TP63: variants seen among roughly 807,000 people sequenced by gnomAD.
The protein encoded by TP63 is tumor protein 63.
A neutral mutation model predicts 82.8 loss-of-function variants in TP63; 17 were observed. That is an observed-to-expected ratio of 0.21 (90% confidence interval 0.14 to 0.31). The LOEUF (loss-of-function observed/expected upper bound fraction) is 0.31, where lower values mean the gene tolerates loss of function less well. TP63 is among the 10% of genes least tolerant of loss of function. The pLI is 1.00. For missense variants in TP63, 648 were observed against 895.3 expected, an observed-to-expected ratio of 0.72 and a Z score of 3.52; for synonymous variants, 330 against 321.7, an observed-to-expected ratio of 1.03 and a Z score of -0.28.
rs1553859725 is a variant in TP63 at position 189,875,615 on chromosome 3, T to TATATAC, written c.1349+2625_1349+2626insCATATA. On this transcript the variant is annotated intron_variant, in intron 10 of 13. Coordinates refer to ENST00000264731, the MANE Select transcript of TP63 (RefSeq NM_003722.5). The stretch of plus-strand genomic sequence containing the variant: ...ATACATATATATATATATATATATA[T>TATATAC]ATATATATATATATATATATATAAA... Among the ~76,000 whole-genome samples, 90 of 110,382 alleles carry TATATAC rather than the reference T, an allele frequency of 8.2e-4. 2 individuals carry two copies. Among genetic ancestry groups the TATATAC allele is most frequent in the African/African-American group, 3.5e-3 (90 of 25,652 alleles). The allele number at this position is 110,382 out of a possible 152,430, so 72.4% of individuals were successfully genotyped here.
At chr3:189,720,416 C>A (rs2108768020) in intron 1 of TP63, among the ~76,000 whole-genome samples, 2 of 152,186 alleles carry the variant, frequency 1.3e-5, no homozygotes, top group Middle Eastern at 3.4e-3. Context: ...TTAGACAAGG[C>A]CTTAAAGACC....
chr3:189,764,472 TA>T lies in TP63; in HGVS notation c.324+25699del, dbSNP rs547673944. Among the ~76,000 whole-genome samples the T allele has an allele frequency of 3.9e-5, 6 of 152,258 alleles. No homozygotes were observed. The South Asian group carries it at 1.0e-3, about 26-fold the overall frequency. ...CGCACACACACATAGGTCATACTCT[TA>T]GTGTGTGCAGTATAAGCTTTTTACT... is the stretch of plus-strand genomic sequence containing the variant. On this transcript the variant is annotated intron_variant, in intron 3 of 13. Coordinates refer to ENST00000264731, the MANE Select transcript of TP63 (RefSeq NM_003722.5).
chr3:189,661,474 T>G (rs1013373054), intron 1 of TP63, among the ~76,000 whole-genome samples: 5 of 151,942 alleles, frequency 3.3e-5, no homozygotes, highest in Non-Finnish European at 5.9e-5. Context: ...ATTCAATATG[T>G]TGGTATTTTG....
the TP63 span, among the ~76,000 whole-genome samples, chr3:189,611,625 T>C: frequency 6.6e-6 from 1 of 152,164 alleles, no homozygotes; most frequent in African/African-American, 2.4e-5. Context: ...TTTGGGCTCT[T>C]GTTTGAATTT....
the TP63 span, among the ~76,000 whole-genome samples, chr3:189,615,143 A>C: frequency 6.6e-6 from 1 of 152,218 alleles, no homozygotes; most frequent in Non-Finnish European, 1.5e-5. Context: ...AATAAAACCT[A>C]AACTCCCTTT....
intron 10 of TP63, chr3:189,880,767 A>C: frequency 1.0e-6 from 1 of 985,400 alleles, no homozygotes; most frequent in South Asian, 4.7e-5. Context: ...AAAAGTAATC[A>C]ACTTTGTGGG....
the TP63 span, among the ~76,000 whole-genome samples, chr3:189,604,989 T>G: frequency 6.6e-6 from 1 of 152,204 alleles, no homozygotes; most frequent in African/African-American, 2.4e-5. Context: ...TCCTGAATTG[T>G]GCCAATGACA....
chr3:189,663,468 C>G (rs934722425), intron 1 of TP63, among the ~76,000 whole-genome samples: 1 of 148,598 alleles, frequency 6.7e-6, no homozygotes, highest in Admixed American at 6.8e-5. Context: ...CAATTTCAGG[C>G]AAGATGAACT....
rs1012027820 is a variant in TP63 at position 189,894,951 on chromosome 3, A to G, written c.*449A>G. 1 of 221,658 alleles carries G rather than the reference A, an allele frequency of 4.5e-6. No individual in the cohort carries two copies. Among genetic ancestry groups the G allele is most frequent in the Non-Finnish European group, 9.1e-6 (1 of 109,860 alleles). The allele number at this position is 221,658 out of a possible 1,614,324, so 13.7% of individuals were successfully genotyped here. ...GCACTTATTGACCATTTTTTAATTT[A>G]CTTGTTTTGGATGGCTTGTCTATAC... On this transcript the variant is annotated 3_prime_UTR_variant, in exon 14 of 14. Transcript: ENST00000264731.
intron 4 of TP63, among the ~76,000 whole-genome samples, chr3:189,831,643 T>C (rs1014305170): frequency 6.6e-6 from 1 of 151,322 alleles, no homozygotes; most frequent in African/African-American, 2.4e-5. Context: ...CATGAAGCTC[T>C]TCCCATTCTG....
intron 1 of TP63, among the ~76,000 whole-genome samples, chr3:189,726,941 G>T (rs1719819778): frequency 6.6e-6 from 1 of 152,218 alleles, no homozygotes; most frequent in African/African-American, 2.4e-5. Context: ...GGTTGCTATT[G>T]CAACTCCTGA....
Position 189,648,414 on chromosome 3 carries a change from A to G in TP63, c.62+16837A>G, listed in dbSNP as rs964677849. Among the ~76,000 whole-genome samples the G allele has an allele frequency of 2.0e-5, 3 of 147,162 alleles. 1 individual carries two copies. Among genetic ancestry groups the G allele is most frequent in the Admixed American group, 2.0e-4 (3 of 14,938 alleles). On this transcript the variant is annotated intron_variant, in intron 1 of 13. Transcript: ENST00000264731. ...AGACATTTGTCTACTTTGTGCCCCA[A>G]TTCATCCCAAGCACCTAGGCCACAG...
chr3:189,762,813 C>T (rs1024005588), intron 3 of TP63, among the ~76,000 whole-genome samples: 2 of 152,134 alleles, frequency 1.3e-5, no homozygotes, highest in African/African-American at 4.8e-5. Context: ...CTGCCTACAA[C>T]TTAGAGTGGG....
At chr3:189,676,349 C>G (rs1057255082) in intron 1 of TP63, among the ~76,000 whole-genome samples, 2 of 152,138 alleles carry the variant, frequency 1.3e-5, no homozygotes, top group Non-Finnish European at 1.5e-5. Context: ...CAACACCAAG[C>G]TACTCTCTGT....
At chr3:189,848,828 G>C (rs547994833) in intron 4 of TP63, among the ~76,000 whole-genome samples, 1 of 152,190 alleles carries the variant, frequency 6.6e-6, no homozygotes, top group Admixed American at 6.5e-5. Context: ...CTTTGTCCAA[G>C]TTTCTTGGCA....
At chr3:189,603,966 T>C in the TP63 span, among the ~76,000 whole-genome samples, 1 of 152,128 alleles carries the variant, frequency 6.6e-6, no homozygotes, top group Non-Finnish European at 1.5e-5. Flanking sequence ...CAAGTTTCTA[T>C]TGATAATTTT....
chr3:189,770,474 A>G (rs1302490657), intron 3 of TP63, among the ~76,000 whole-genome samples: 1 of 151,788 alleles, frequency 6.6e-6, no homozygotes, highest in African/African-American at 2.4e-5. Context: ...CTGAGGCAGG[A>G]GGATTGCTGG....
upstream of TP63, among the ~76,000 whole-genome samples, chr3:189,629,251 G>C (rs928785604): frequency 6.6e-6 from 1 of 151,988 alleles, no homozygotes; most frequent in African/African-American, 2.4e-5. Flanking sequence ...GGGTATGGTT[G>C]TGCTCACCTG....
At chr3:189,874,585 G>A (rs927016271) in intron 10 of TP63, among the ~76,000 whole-genome samples, 1 of 152,136 alleles carries the variant, frequency 6.6e-6, no homozygotes, top group African/African-American at 2.4e-5. Context: ...AATTTTAATG[G>A]TATGGTTTTA....
Sources: gnomAD v4.1 joint callset for allele counts (sites outside exome capture counted in the v4.1 genomes callset) on GRCh38, gnomAD v4.1.1 for gene constraint, MANE v1.5 for transcripts, NCBI Gene and HGNC (gene_info 2026-07-23, HGNC 2026-07-21) for gene names.